The following NOS1AP variants were observed in gnomAD, a reference collection of about 807,000 sequenced individuals.
The protein encoded by NOS1AP is nitric oxide synthase 1 adaptor protein.
In NOS1AP, 21 loss-of-function variants were observed where a neutral mutation model predicts 56.2. That is an observed-to-expected ratio of 0.37 (90% confidence interval 0.26 to 0.54). The LOEUF (loss-of-function observed/expected upper bound fraction) is 0.54. NOS1AP is among the 20% of genes least tolerant of loss of function. NOS1AP has a pLI of 0.84. For synonymous variants in NOS1AP, 270 were observed against 274.6 expected (o/e 0.98, Z 0.17); for missense variants, 522 against 657.8 (o/e 0.79, Z 2.26).
chr1:162,287,465 T>G, intron 3 of NOS1AP, 29 bp downstream of exon 3: 1 of 1,489,140 alleles, frequency 6.7e-7, no homozygotes, highest in African/African-American at 1.4e-5. Flanking sequence ...GAATCTGAGG[T>G]GAAGAGGAAA....
At chr1:162,357,310 G>A in intron 8 of NOS1AP, 174 bp downstream of exon 8, 1 of 1,213,126 alleles carries the variant, frequency 8.2e-7, no homozygotes, top group Non-Finnish European at 1.1e-6. Flanking sequence ...ATAGATGGGG[G>A]ATGCAGTTGA....
chr1:162,300,996 A>T (rs568657079), intron 4 of NOS1AP, among the ~76,000 whole-genome samples: 1 of 152,180 alleles, frequency 6.6e-6, no homozygotes, highest in Non-Finnish European at 1.5e-5. Context: ...TGTTGTCCCA[A>T]TTGAAATTCT....
At chr1:162,087,528 T>A (rs559001887) in intron 1 of NOS1AP, among the ~76,000 whole-genome samples, 2 of 152,312 alleles carry the variant, frequency 1.3e-5, no homozygotes, top group East Asian at 3.9e-4. Flanking sequence ...ATCCATGGAC[T>A]TGAACTAGTC....
chr1:162,162,526 G>A (rs909584213), intron 2 of NOS1AP, among the ~76,000 whole-genome samples: 1 of 152,156 alleles, frequency 6.6e-6, no homozygotes, highest in African/African-American at 2.4e-5. Context: ...TCAAATTTCT[G>A]AGTATCACCC....
At chr1:162,082,222 A>G (rs567930465) in intron 1 of NOS1AP, among the ~76,000 whole-genome samples, 25 of 152,064 alleles carry the variant, frequency 1.6e-4, no homozygotes, top group Non-Finnish European at 2.5e-4. Flanking sequence ...TTAGTTTGCT[A>G]AGGATAATGG....
chr1:162,335,703 G>A (rs1656921243), intron 5 of NOS1AP, among the ~76,000 whole-genome samples: 1 of 152,134 alleles, frequency 6.6e-6, no homozygotes, highest in Non-Finnish European at 1.5e-5. Context: ...TGGTCATAGT[G>A]TAGAAAAACC....
chr1:162,142,044 GACA>G (rs58087088), intron 1 of NOS1AP, among the ~76,000 whole-genome samples: 20,583 of 152,112 alleles, frequency 0.14, 1,751 homozygotes, highest in African/African-American at 0.24. Flanking sequence ...ATACAGTGGT[GACA>G]ACAACAGTTA....
rs531527944 is a variant in NOS1AP at position 162,098,819 on chromosome 1, C to A, written c.105+28537C>A. ...GAGGATAATGGCTTCAAACTCCATT[C>A]ATGTCCCTGCAAAGGACATGATCTC... is the stretch of plus-strand genomic sequence containing the variant. On this transcript the variant is annotated intron_variant, in intron 1 of 9. Transcript: ENST00000361897. Among the ~76,000 whole-genome samples the A allele has an allele frequency of 1.9e-3, 290 of 152,296 alleles. 2 individuals are homozygous for A. Among genetic ancestry groups the A allele is most frequent in the Non-Finnish European group, 2.0e-3 (135 of 68,014 alleles).
intron 2 of NOS1AP, among the ~76,000 whole-genome samples, chr1:162,203,243 A>G (rs750646584): frequency 7.9e-5 from 12 of 151,880 alleles, no homozygotes; most frequent in African/African-American, 1.7e-4. Flanking sequence ...CATTGATCCA[A>G]CTCTCCATTG....
At chr1:162,225,036 T>A (rs1206639505) in intron 2 of NOS1AP, among the ~76,000 whole-genome samples, 1 of 152,206 alleles carries the variant, frequency 6.6e-6, no homozygotes, top group Non-Finnish European at 1.5e-5. Flanking sequence ...CCCAGTGACA[T>A]GTCTGAGTCT....
chr1:162,129,516 C>T (rs944392072), intron 1 of NOS1AP, among the ~76,000 whole-genome samples: 1 of 152,218 alleles, frequency 6.6e-6, no homozygotes, highest in Non-Finnish European at 1.5e-5. Context: ...CTAATGGGCT[C>T]AGCTCAAATC....
At chr1:162,114,075 A>C (rs1017333352) in intron 1 of NOS1AP, among the ~76,000 whole-genome samples, 13 of 152,312 alleles carry the variant, frequency 8.5e-5, no homozygotes, top group Non-Finnish European at 2.9e-5. Context: ...GTTTCAGTTT[A>C]AGGTGGCACA....
chr1:162,289,920 C>T (rs1042095405), intron 3 of NOS1AP, among the ~76,000 whole-genome samples: 1 of 152,204 alleles, frequency 6.6e-6, no homozygotes, highest in African/African-American at 2.4e-5. Context: ...TGTTTCTCAC[C>T]TCACTGTCTC....
At chr1:162,100,788 T>C (rs1430735630) in intron 1 of NOS1AP, among the ~76,000 whole-genome samples, 1 of 152,186 alleles carries the variant, frequency 6.6e-6, no homozygotes, top group African/African-American at 2.4e-5. Context: ...AGGTCATTTG[T>C]TTTTTTCTTG....
rs557677141 is a variant in NOS1AP at position 162,369,004 on chromosome 1, A to C, written c.*1537A>C. ...CAGAAAGTCCAAATTAAAGGAAATA[A>C]ATTCAGTTTTATGTTAGCCTTCCTT... On this transcript the variant is annotated 3_prime_UTR_variant, in exon 10 of 10. Transcript: ENST00000361897. 5.3e-5 allele frequency: 8 copies of C among 152,286 alleles called. No individual in the cohort carries two copies. Among genetic ancestry groups the C allele is most frequent in the Admixed American group, 2.0e-4 (3 of 15,288 alleles). The allele number at this position is 152,286 out of a possible 1,614,324, so 9.4% of individuals were successfully genotyped here.
intron 1 of NOS1AP, among the ~76,000 whole-genome samples, chr1:162,133,804 G>C (rs1343225644): frequency 6.8e-6 from 1 of 147,120 alleles, no homozygotes; most frequent in African/African-American, 2.7e-5. Context: ...ATTGCAGTGT[G>C]GTTAATTCCT....
intron 2 of NOS1AP, among the ~76,000 whole-genome samples, chr1:162,176,138 A>T (rs536403788): frequency 8.5e-5 from 13 of 152,322 alleles, no homozygotes; most frequent in African/African-American, 2.9e-4. Flanking sequence ...TTTACATTCC[A>T]TCCTGGGATC....
chr1:162,178,595 A>C (rs1651145806), intron 2 of NOS1AP, among the ~76,000 whole-genome samples: 1 of 152,156 alleles, frequency 6.6e-6, no homozygotes, highest in Admixed American at 6.5e-5. Flanking sequence ...GCTGGCACTT[A>C]CACTCATCCC....
chr1:162,309,821 G>C (rs566089744), intron 4 of NOS1AP, among the ~76,000 whole-genome samples: 1 of 152,146 alleles, frequency 6.6e-6, no homozygotes, highest in African/African-American at 2.4e-5. Context: ...AGATGAAAAG[G>C]TCCTATGGGG....
Sources: gnomAD v4.1 joint callset for allele counts (sites outside exome capture counted in the v4.1 genomes callset) on GRCh38, gnomAD v4.1.1 for gene constraint, MANE v1.5 for transcripts, NCBI Gene and HGNC (gene_info 2026-07-23, HGNC 2026-07-21) for gene names.